The following APCS variants were observed in gnomAD, a reference collection of about 807,000 sequenced individuals.
APCS encodes serum amyloid P-component.
Under a neutral mutation model 2.5 loss-of-function variants are expected in APCS, and 2 were observed. The ratio of observed to expected loss-of-function variants is 0.80; its 90% CI spans 0.33 to 2.53. APCS has a LOEUF of 2.53. APCS is among the 30% of genes most tolerant of loss of function. The pLI, the probability that APCS is intolerant of heterozygous loss-of-function variation, is 0.11. For missense variants in APCS, 302 were observed against 258.9 expected (o/e 1.17, Z -1.14); for synonymous variants, 109 against 102.5 (o/e 1.06, Z -0.39).
chr1:159,588,363 T>C lies in APCS; in HGVS notation c.327T>C (p.Ala109=). ...VTSKVIEKFP[A]PVHICVSWES... ...CCAAAGTTATCGAAAAGTTCCCGGC[T>C]CCAGTGCACATCTGTGTGAGCTGGG... Residue 109 remains alanine (A), a synonymous_variant, in exon 2 of 2, where the codon GCT becomes GCC. Coordinates refer to ENST00000255040, the MANE Select transcript of APCS (RefSeq NM_001639.4). 6.2e-7 allele frequency: 1 copy of C among 1,614,142 alleles called. No homozygotes were observed. The highest frequency in any genetic ancestry group is 2.2e-5 in the East Asian group (1 of 44,878).
rs1397452919 is a variant in APCS, at chr1:159,588,821, T to C, written c.*113T>C. ...AGCTCTTTCTTCTTTGAATTTCCTATCTGTATGTCTGCCTAATTAAAAAAA... is the reference window on the plus strand; with the variant it reads ...AGCTCTTTCTTCTTTGAATTTCCTACCTGTATGTCTGCCTAATTAAAAAAA... On this transcript the variant is annotated 3_prime_UTR_variant, in exon 2 of 2. Transcript: ENST00000255040. The C allele has an allele frequency of 3.3e-6, 4 of 1,210,540 alleles. No homozygotes were observed. Among genetic ancestry groups the C allele is most frequent in the South Asian group, 1.6e-5 (1 of 61,458 alleles). 75.0% of individuals were successfully genotyped at this position (1,210,540 alleles called of 1,614,324 possible). A position where few individuals can be genotyped will look rare whatever the true frequency, so the allele number is the denominator to read the frequency against.
chr1:159,587,884 G>T lies in APCS; in HGVS notation c.-38G>T, dbSNP rs1266946572. Reference sequence around the variant, plus strand: ...CTGTGTTGTCTGCTACCCTCATCCTGGTCACTGCTTCTGCTATAACAGCCC... The same window carrying T: ...CTGTGTTGTCTGCTACCCTCATCCTTGTCACTGCTTCTGCTATAACAGCCC... On this transcript the variant is annotated 5_prime_UTR_variant, in exon 1 of 2. Transcript: ENST00000255040. 6.3e-7 allele frequency: 1 copy of T among 1,598,780 alleles called. No individual in the cohort carries two copies. The highest frequency in any genetic ancestry group is 1.7e-5 in the Admixed American group (1 of 59,974).
At position 159,588,622 on chromosome 1, in the gene APCS, C is replaced by A; in HGVS notation, c.586C>A (p.Pro196Thr). Residue 196 changes from proline to threonine, a missense_variant, in exon 2 of 2, where the codon CCT becomes ACT. Coordinates refer to ENST00000255040, the MANE Select transcript of APCS (RefSeq NM_001639.4). The part of the protein sequence containing the change: ...ENILSAYQGT[P>T]LPANILDWQA... Reference sequence around the variant, plus strand: ...TATCCTGTCTGCCTATCAGGGTACCCCTCTCCCTGCCAATATCCTGGACTG... The same window carrying A: ...TATCCTGTCTGCCTATCAGGGTACCACTCTCCCTGCCAATATCCTGGACTG... 6.2e-7 allele frequency: 1 copy of A among 1,613,678 alleles called. No homozygotes were observed. Among genetic ancestry groups the A allele is most frequent in the Non-Finnish European group, 8.5e-7 (1 of 1,179,924 alleles).
Position 159,588,190 on chromosome 1 carries a change from T to C in APCS, c.154T>C (p.Phe52Leu). ...ACCGCTGGAGAAGCCTCTACAGAAC[T>C]TTACCTTGTGTTTTCGAGCCTATAG... ...ITPLEKPLQN[F>L]TLCFRAYSDL... Residue 52 changes from phenylalanine (F) to leucine (L), a missense_variant, in exon 2 of 2, where the codon TTT becomes CTT. By Grantham distance (22) the Phe-to-Leu change is conservative. Coordinates refer to ENST00000255040, the MANE Select transcript of APCS (RefSeq NM_001639.4). 3 of 1,614,146 alleles carry C rather than the reference T, an allele frequency of 1.9e-6. No individual in the cohort carries two copies. Among genetic ancestry groups the C allele is most frequent in the Non-Finnish European group, 2.5e-6 (3 of 1,179,976 alleles).
Position 159,588,709 on chromosome 1 carries a change from G to C in APCS, c.*1G>C. The C allele has an allele frequency of 6.2e-7, 1 of 1,603,608 alleles. No homozygotes were observed. Among genetic ancestry groups the C allele is most frequent in the African/African-American group, 1.3e-5 (1 of 74,528 alleles). ...CATCAAACCCTTGGTGTGGGTCTGA[G>C]GTCTTGACTCAACGAGAGCACTTGA... On this transcript the variant is annotated 3_prime_UTR_variant, in exon 2 of 2. Coordinates refer to ENST00000255040, the MANE Select transcript of APCS (RefSeq NM_001639.4).
rs1658822870 is a variant in APCS at position 159,588,793 on chromosome 1, T to C, written c.*85T>C. 2 of 1,387,734 alleles carry C rather than the reference T, an allele frequency of 1.4e-6. No homozygotes were observed. 86.0% of individuals were successfully genotyped at this position (1,387,734 alleles called of 1,614,324 possible). A position where few individuals can be genotyped will look rare whatever the true frequency, so the allele number is the denominator to read the frequency against. ...GCAACTGGATACTAGATCTTACATC[T>C]GCAGCTCTTTCTTCTTTGAATTTCC... On this transcript the variant is annotated 3_prime_UTR_variant, in exon 2 of 2. Coordinates refer to ENST00000255040, the MANE Select transcript of APCS (RefSeq NM_001639.4).
rs764027458 is a variant in APCS at position 159,588,228 on chromosome 1, T to C, written c.192T>C (p.Arg64=). The change falls in exon 2 of 2, where the codon CGT becomes CGC. Residue 64 remains arginine, a synonymous_variant. Transcript: ENST00000255040. ...TTCGAGCCTATAGTGATCTCTCTCG[T>C]GCCTACAGCCTCTTCTCCTACAATA... ...LCFRAYSDLS[R]AYSLFSYNTQ... 6.2e-7 allele frequency: 1 copy of C among 1,614,176 alleles called. No homozygotes were observed. The highest frequency in any genetic ancestry group is 8.5e-7 in the Non-Finnish European group (1 of 1,180,022).
rs1570984270 is a variant in APCS, at chr1:159,588,165, A to C, written c.129A>C (p.Thr43=). 1 of 1,613,772 alleles carries C rather than the reference A, an allele frequency of 6.2e-7. No homozygotes were observed. The highest frequency in any genetic ancestry group is 8.5e-7 in the Non-Finnish European group (1 of 1,179,672). Reference sequence around the variant, plus strand: ...TTACTGATCATGTAAACTTGATCACACCGCTGGAGAAGCCTCTACAGAACT... The same window carrying C: ...TTACTGATCATGTAAACTTGATCACCCCGCTGGAGAAGCCTCTACAGAACT... The part of the protein sequence containing the change: ...ESVTDHVNLI[T]PLEKPLQNFT... The change falls in exon 2 of 2, where the codon ACA becomes ACC. Residue 43 remains threonine, a synonymous_variant. Coordinates refer to ENST00000255040, the MANE Select transcript of APCS (RefSeq NM_001639.4).
Position 159,588,863 on chromosome 1 carries a change from C to T in APCS, c.*155C>T, listed in dbSNP as rs1412989182. On this transcript the variant is annotated 3_prime_UTR_variant, in exon 2 of 2. Transcript: ENST00000255040. Reference sequence around the variant, plus strand: ...TTAAAAAAATATATATTGTATTATGCTACCTGCATTTGTTTAGTGCTTGTC... The same window carrying T: ...TTAAAAAAATATATATTGTATTATGTTACCTGCATTTGTTTAGTGCTTGTC... 11 of 797,256 alleles carry T rather than the reference C, an allele frequency of 1.4e-5. No homozygotes were observed. Among genetic ancestry groups the T allele is most frequent in the South Asian group, 7.2e-5 (3 of 41,686 alleles). 49.4% of individuals were successfully genotyped at this position (797,256 alleles called of 1,614,324 possible).
rs746407359 is a variant in APCS, at chr1:159,588,184, CA to C, written c.149del (p.Gln50ArgfsTer32). 1 of 1,614,110 alleles carries C rather than the reference CA, an allele frequency of 6.2e-7. No individual in the cohort carries two copies. The highest frequency in any genetic ancestry group is 1.1e-5 in the South Asian group (1 of 91,078). Reference sequence around the variant, plus strand: ...GATCACACCGCTGGAGAAGCCTCTACAGAACTTTACCTTGTGTTTTCGAGCC... The same window carrying C: ...GATCACACCGCTGGAGAAGCCTCTACGAACTTTACCTTGTGTTTTCGAGCC... ...NLITPLEKPLQNFTLCFRAYS... is the reference protein window; with the variant it reads ...NLITPLEKPLXNFTLCFRAYS... On this transcript the variant is annotated frameshift_variant, in exon 2 of 2. Coordinates refer to ENST00000255040, the MANE Select transcript of APCS (RefSeq NM_001639.4). LOFTEE classifies it low-confidence loss of function (END_TRUNC).
rs144053685 is a variant in APCS, at chr1:159,588,660, C to T, written c.624C>T (p.Asn208=). ...PANILDWQAL[N]YEIRGYVIIK... ...ATATCCTGGACTGGCAGGCTCTGAA[C>T]TATGAAATCAGAGGATATGTCATCA... The change falls in exon 2 of 2, where the codon AAC becomes AAT. Residue 208 remains asparagine (N), a synonymous_variant. Coordinates refer to ENST00000255040, the MANE Select transcript of APCS (RefSeq NM_001639.4). The T allele has an allele frequency of 3.7e-5, 59 of 1,613,722 alleles. No individual in the cohort carries two copies. In the African/African-American group the frequency reaches 4.7e-4, roughly 13 times the overall value.
Position 159,588,762 on chromosome 1 carries a change from G to A in APCS, c.*54G>A. On this transcript the variant is annotated 3_prime_UTR_variant, in exon 2 of 2. Coordinates refer to ENST00000255040, the MANE Select transcript of APCS (RefSeq NM_001639.4). ...ATGAAATGACTGTCTAAGAGATCTG[G>A]TCAAAGCAACTGGATACTAGATCTT... 1 of 1,528,894 alleles carries A rather than the reference G, an allele frequency of 6.5e-7. No individual in the cohort carries two copies. Among genetic ancestry groups the A allele is most frequent in the Non-Finnish European group, 8.9e-7 (1 of 1,129,476 alleles). The allele number at this position is 1,528,894 out of a possible 1,614,324, so 94.7% of individuals were successfully genotyped here.
chr1:159,588,009 A>G (rs890282790), intron 1 of APCS, 24 bp downstream of exon 1: 7 of 1,613,650 alleles, frequency 4.3e-6, no homozygotes, highest in Admixed American at 3.3e-5. Flanking sequence ...GGAATGGTCA[A>G]GAATCATAAA....
rs1000102078 is a variant in APCS at position 159,588,417 on chromosome 1, G to T, written c.381G>T (p.Trp127Cys). 16 of 1,614,028 alleles carry T rather than the reference G, an allele frequency of 9.9e-6. No individual in the cohort carries two copies. The highest frequency in any genetic ancestry group is 1.4e-5 in the Non-Finnish European group (16 of 1,180,004). ...CCTCATCAGGTATTGCTGAATTTTG[G>T]ATCAATGGGACACCTTTGGTGAAAA... ...WESSSGIAEF[W>C]INGTPLVKKG... The change falls in exon 2 of 2, where the codon TGG becomes TGT. Residue 127 changes from tryptophan to cysteine, a missense_variant. Transcript: ENST00000255040.
Position 159,588,227 on chromosome 1 carries a change from G to A in APCS, c.191G>A (p.Arg64His), listed in dbSNP as rs760567060. The A allele has an allele frequency of 1.2e-5, 20 of 1,613,922 alleles. No individual in the cohort carries two copies. The highest frequency in any genetic ancestry group is 4.4e-5 in the South Asian group (4 of 91,082). Residue 64 changes from arginine to histidine, a missense_variant, in exon 2 of 2, where the codon CGT becomes CAT. Coordinates refer to ENST00000255040, the MANE Select transcript of APCS (RefSeq NM_001639.4). Reference protein sequence around the residue: ...LCFRAYSDLSRAYSLFSYNTQ... With the variant: ...LCFRAYSDLSHAYSLFSYNTQ... ...TTTCGAGCCTATAGTGATCTCTCTCGTGCCTACAGCCTCTTCTCCTACAAT... is the reference window on the plus strand; with the variant it reads ...TTTCGAGCCTATAGTGATCTCTCTCATGCCTACAGCCTCTTCTCCTACAAT...
chr1:159,587,892 C>G lies in APCS; in HGVS notation c.-30C>G. 1 of 1,608,132 alleles carries G rather than the reference C, an allele frequency of 6.2e-7. No individual in the cohort carries two copies. Among genetic ancestry groups the G allele is most frequent in the Non-Finnish European group, 8.5e-7 (1 of 1,175,486 alleles). On this transcript the variant is annotated 5_prime_UTR_variant, in exon 1 of 2. Coordinates refer to ENST00000255040, the MANE Select transcript of APCS (RefSeq NM_001639.4). ...TCTGCTACCCTCATCCTGGTCACTGCTTCTGCTATAACAGCCCTAGGCCAG... is the reference window on the plus strand; with the variant it reads ...TCTGCTACCCTCATCCTGGTCACTGGTTCTGCTATAACAGCCCTAGGCCAG...
Position 159,587,952 on chromosome 1 carries a change from C to T in APCS, c.31C>T (p.Leu11Phe). The T allele has an allele frequency of 6.2e-7, 1 of 1,614,148 alleles. No homozygotes were observed. Among genetic ancestry groups the T allele is most frequent in the Non-Finnish European group, 8.5e-7 (1 of 1,180,018 alleles). The change falls in exon 1 of 2, where the codon CTC becomes TTC. Residue 11 changes from leucine to phenylalanine, a missense_variant. Leu to Phe is a conservative substitution (Grantham distance 22). Coordinates refer to ENST00000255040, the MANE Select transcript of APCS (RefSeq NM_001639.4). ...CAAGCCGCTGCTTTGGATCTCTGTC[C>T]TCACCAGCCTCCTGGAAGCCTTTGC... MNKPLLWISV[L>F]TSLLEAFAHT... is the part of the protein sequence containing the mutation.
Position 159,588,236 on chromosome 1 carries a change from G to T in APCS, c.200G>T (p.Ser67Ile). The change falls in exon 2 of 2, where the codon AGC becomes ATC. Residue 67 changes from serine to isoleucine, a missense_variant. Coordinates refer to ENST00000255040, the MANE Select transcript of APCS (RefSeq NM_001639.4). ...RAYSDLSRAY[S>I]LFSYNTQGRD... is the part of the protein sequence containing the mutation. ...TATAGTGATCTCTCTCGTGCCTACA[G>T]CCTCTTCTCCTACAATACCCAAGGC... The T allele has an allele frequency of 5.6e-6, 9 of 1,614,100 alleles. No homozygotes were observed. Among genetic ancestry groups the T allele is most frequent in the East Asian group, 2.2e-5 (1 of 44,866 alleles).
rs567804198 is a variant in APCS, at chr1:159,588,452, G to A, written c.416G>A (p.Arg139Gln). ...NGTPLVKKGL[R>Q]QGYFVEAQPK... ...ACACCTTTGGTGAAAAAGGGTCTGC[G>A]ACAGGGTTACTTTGTAGAAGCTCAG... Residue 139 changes from arginine to glutamine, a missense_variant, in exon 2 of 2, where the codon CGA becomes CAA. Transcript: ENST00000255040. 12 of 1,614,068 alleles carry A rather than the reference G, an allele frequency of 7.4e-6. No individual in the cohort carries two copies. In the Middle Eastern group the frequency reaches 8.2e-4, roughly 111 times the overall value.
Sources: allele counts gnomAD v4.1 joint callset, GRCh38; gene constraint gnomAD v4.1.1; transcripts MANE v1.5; gene names NCBI Gene and HGNC (gene_info 2026-07-23, HGNC 2026-07-21).